TULP4: variants seen among roughly 807,000 people sequenced by gnomAD.
TULP4 encodes TUB like protein 4, also known as tubby-related protein 4.
Under a neutral mutation model 129.0 loss-of-function variants are expected in TULP4, and 16 were observed. The observed-to-expected ratio is 0.12, with a 90% confidence interval of 0.08 to 0.19. The LOEUF (loss-of-function observed/expected upper bound fraction) is 0.19. Among genes scored for constraint, TULP4 ranks in the 10% least tolerant of loss-of-function variants. The pLI, the probability that TULP4 is intolerant of heterozygous loss-of-function variation, is 1.00. For missense variants in TULP4, 1,842 were observed against 2,059.1 expected, an observed-to-expected ratio of 0.89 and a Z score of 2.04; for synonymous variants, 998 against 854.0, an observed-to-expected ratio of 1.17 and a Z score of -2.94.
At chr6:158,276,293 TTTCTTC>T (rs139956815) in intron 1 of TULP4, among the ~76,000 whole-genome samples, 1 of 148,904 alleles carries the variant, frequency 6.7e-6, no homozygotes, top group African/African-American at 2.5e-5. Flanking sequence ...TTCTTCCTTC[TTTCTTC>T]TTCTTTCTTT....
At chr6:158,406,505 G>C (rs1777980422) in intron 1 of TULP4, among the ~76,000 whole-genome samples, 1 of 152,206 alleles carries the variant, frequency 6.6e-6, no homozygotes, top group Non-Finnish European at 1.5e-5. Flanking sequence ...TTGCAGCTAT[G>C]ATGAGTGGAA....
At position 158,410,541 on chromosome 6, in the gene TULP4, A is replaced by G. The variant is rs532696873; in HGVS notation, c.253-2524A>G. Among the ~76,000 whole-genome samples, 11 of 152,370 alleles carry G rather than the reference A, an allele frequency of 7.2e-5. No individual in the cohort carries two copies. The East Asian group carries it at 1.2e-3, about 16-fold the overall frequency. Reference sequence around the variant, plus strand: ...TCGTGTTCTTAATTTGTCATGTTCTATTCCACAGTGGCCATTCTGAAGTAC... The same window carrying G: ...TCGTGTTCTTAATTTGTCATGTTCTGTTCCACAGTGGCCATTCTGAAGTAC... On this transcript the variant is annotated intron_variant, in intron 1 of 13. Transcript: ENST00000367097.
At chr6:158,389,041 G>A (rs1777527621) in intron 1 of TULP4, among the ~76,000 whole-genome samples, 1 of 152,194 alleles carries the variant, frequency 6.6e-6, no homozygotes, top group African/African-American at 2.4e-5. Flanking sequence ...GTGATGTGGT[G>A]TACTGATTTA....
intron 5 of TULP4, among the ~76,000 whole-genome samples, chr6:158,456,149 G>A (rs1291932409): frequency 6.6e-6 from 1 of 152,208 alleles, no homozygotes; most frequent in Non-Finnish European, 1.5e-5. Flanking sequence ...AACAGGACTT[G>A]TAAGTTATGG....
chr6:158,413,231 G>T lies in TULP4; in HGVS notation c.381+38G>T, dbSNP rs752637656. ...CGCAGCTCTGCCAGTGAAGGGCTGC[G>T]GGGTAGAGGACTCCCAGACAGGCAT... On this transcript the variant is annotated intron_variant, in intron 2 of 13. Transcript: ENST00000367097. The surrounding 1 kb of genome is among the most constrained non-coding windows in gnomAD (Gnocchi z 4.9). 1 of 1,582,036 alleles carries T rather than the reference G, an allele frequency of 6.3e-7. No individual in the cohort carries two copies. The highest frequency in any genetic ancestry group is 1.3e-5 in the African/African-American group (1 of 74,380).
At chr6:158,317,330 C>G (rs1196632342) in intron 1 of TULP4, among the ~76,000 whole-genome samples, 5 of 146,190 alleles carry the variant, frequency 3.4e-5, no homozygotes, top group Non-Finnish European at 7.6e-5. Context: ...CCCCACCCCA[C>G]GACAGGCCCC....
chr6:158,400,802 C>T (rs1005573531), intron 1 of TULP4, among the ~76,000 whole-genome samples: 5 of 151,950 alleles, frequency 3.3e-5, no homozygotes, highest in African/African-American at 9.7e-5. Flanking sequence ...GTAAGCTAGC[C>T]GAGGTGTGTG....
chr6:158,247,218 A>G (rs189791273), intron 1 of TULP4, among the ~76,000 whole-genome samples: 1 of 152,300 alleles, frequency 6.6e-6, no homozygotes, highest in Admixed American at 6.5e-5. Context: ...TGTAATGGGC[A>G]TATTAGATCC....
At chr6:158,264,568 C>T (rs904976010) in intron 1 of TULP4, among the ~76,000 whole-genome samples, 1 of 152,046 alleles carries the variant, frequency 6.6e-6, no homozygotes, top group African/African-American at 2.4e-5. Flanking sequence ...AAACATCGAT[C>T]TGGGGAAGAT....
At chr6:158,330,131 C>T (rs7752547) in intron 1 of TULP4, among the ~76,000 whole-genome samples, 81,142 of 131,474 alleles carry the variant, frequency 0.62, 21,867 homozygotes, top group South Asian at 0.68. Context: ...ATTTGATAAC[C>T]GATACTCTTT....
intron 1 of TULP4, among the ~76,000 whole-genome samples, chr6:158,391,992 T>A (rs1298198886): frequency 6.6e-6 from 1 of 152,196 alleles, no homozygotes; most frequent in Non-Finnish European, 1.5e-5. Flanking sequence ...ATTTTCACGC[T>A]GTTAAATGAA....
intron 1 of TULP4, among the ~76,000 whole-genome samples, chr6:158,297,925 T>C (rs1779061796): frequency 6.6e-6 from 1 of 152,110 alleles, no homozygotes; most frequent in Non-Finnish European, 1.5e-5. Flanking sequence ...CCAGGGCGTA[T>C]CTCAGTCCTT....
chr6:158,306,419 A>G (rs1050642071), intron 1 of TULP4, among the ~76,000 whole-genome samples: 3 of 152,160 alleles, frequency 2.0e-5, no homozygotes, highest in Non-Finnish European at 4.4e-5. Flanking sequence ...TTAGCCGGGC[A>G]TGGCGGCATG....
intron 6 of TULP4, among the ~76,000 whole-genome samples, chr6:158,468,119 C>T (rs1386164702): frequency 2.6e-5 from 4 of 152,198 alleles, no homozygotes; most frequent in Non-Finnish European, 4.4e-5. Flanking sequence ...GTTGCGACTC[C>T]ACTCGCATTT....
At chr6:158,353,612 A>G (rs828007) in intron 1 of TULP4, among the ~76,000 whole-genome samples, 131,095 of 152,246 alleles carry the variant, frequency 0.86, 56,876 homozygotes, top group South Asian at 0.93. Context: ...TTTTCAGTCT[A>G]CAAGTTTACA....
intron 4 of TULP4, among the ~76,000 whole-genome samples, chr6:158,451,254 G>C (rs775521874): frequency 6.6e-6 from 1 of 152,196 alleles, no homozygotes; most frequent in African/African-American, 2.4e-5. Flanking sequence ...CACCTTTCAC[G>C]TGCAACAGGG....
intron 1 of TULP4, among the ~76,000 whole-genome samples, chr6:158,380,238 C>G: frequency 6.6e-6 from 1 of 152,168 alleles, no homozygotes; most frequent in South Asian, 2.1e-4. Context: ...TACTTTGAGG[C>G]TCTCCACAAA....
chr6:158,350,976 A>T (rs1357170848), intron 1 of TULP4, among the ~76,000 whole-genome samples: 1 of 151,212 alleles, frequency 6.6e-6, no homozygotes, highest in African/African-American at 2.4e-5. Context: ...CTGGTCTTGA[A>T]CTCCTGACCT....
intron 13 of TULP4, among the ~76,000 whole-genome samples, chr6:158,505,236 A>G (rs1364171453): frequency 6.6e-6 from 1 of 152,186 alleles, no homozygotes; most frequent in Non-Finnish European, 1.5e-5. Flanking sequence ...ACCATCCTGT[A>G]AAGTCCCTCC....
Sources: allele counts gnomAD v4.1 joint callset (sites outside exome capture counted in the v4.1 genomes callset), GRCh38; gene constraint gnomAD v4.1.1; non-coding constraint Gnocchi (gnomAD v3.1); transcripts MANE v1.5; gene names NCBI Gene and HGNC (gene_info 2026-07-23, HGNC 2026-07-21).